The following TNFAIP6 variants were observed in gnomAD, a reference collection of about 807,000 sequenced individuals.
TNFAIP6 encodes the protein tumor necrosis factor-inducible gene 6 protein.
In TNFAIP6, 36 loss-of-function variants were observed where a neutral mutation model predicts 33.7. The observed-to-expected ratio is 1.07, with a 90% CI of 0.82 to 1.41. The LOEUF (loss-of-function observed/expected upper bound fraction) is 1.41, where lower values mean the gene tolerates loss of function less well. Among genes scored for constraint, TNFAIP6 ranks in the 40% most tolerant of loss-of-function variants. The pLI, the probability that TNFAIP6 is intolerant of heterozygous loss-of-function variation, is 0.00. For synonymous variants in TNFAIP6, 113 were observed against 112.8 expected (o/e 1.00, Z -0.01); for missense variants, 273 against 331.9 (o/e 0.82, Z 1.38).
intron 1 of TNFAIP6, among the ~76,000 whole-genome samples, chr2:151,359,532 G>A (rs1186841174): frequency 6.6e-6 from 1 of 151,996 alleles, no homozygotes; most frequent in South Asian, 2.1e-4. Context: ...GGGACTACAG[G>A]CACCCGCCAC....
chr2:151,380,449 CAT>C (rs1301717084), downstream of TNFAIP6, among the ~76,000 whole-genome samples: 5 of 152,022 alleles, frequency 3.3e-5, no homozygotes, highest in Admixed American at 3.3e-4. Flanking sequence ...TCTCTTTTCT[CAT>C]ATTTATGTTT....
intron 5 of TNFAIP6, among the ~76,000 whole-genome samples, chr2:151,377,022 A>T (rs1684923488): frequency 6.6e-6 from 1 of 151,760 alleles, no homozygotes; most frequent in Non-Finnish European, 1.5e-5. Context: ...TATTTTTAGT[A>T]GAGATGGGGT....
chr2:151,367,130 A>G (rs1684726620), intron 3 of TNFAIP6, among the ~76,000 whole-genome samples: 4 of 152,116 alleles, frequency 2.6e-5, no homozygotes, highest in Admixed American at 2.0e-4. Context: ...TATAAAATCT[A>G]TTATTTAATT....
intron 5 of TNFAIP6, among the ~76,000 whole-genome samples, chr2:151,374,166 T>C (rs576409124): frequency 6.6e-6 from 1 of 152,312 alleles, no homozygotes; most frequent in Admixed American, 6.5e-5. Flanking sequence ...GATCTTTTAA[T>C]ATGCTAATCA....
intron 4 of TNFAIP6, among the ~76,000 whole-genome samples, chr2:151,371,477 G>C (rs186674153): frequency 9.9e-5 from 15 of 152,184 alleles, no homozygotes; most frequent in Admixed American, 2.6e-4. Context: ...TTTTTATGTT[G>C]ATTTTGAATG....
At chr2:151,373,278 G>A (rs1553467329) in intron 4 of TNFAIP6, among the ~76,000 whole-genome samples, 1 of 152,096 alleles carries the variant, frequency 6.6e-6, no homozygotes, top group Non-Finnish European at 1.5e-5. Context: ...CTGCGCCACT[G>A]CACTCCAGCC....
At chr2:151,380,872 T>G (rs1685001471), downstream of TNFAIP6, among the ~76,000 whole-genome samples, 1 of 152,148 alleles carries the variant, frequency 6.6e-6, no homozygotes, top group Non-Finnish European at 1.5e-5. Context: ...AGAAGCTAAG[T>G]CCAAACCAAT....
chr2:151,367,829 G>A (rs775590869), intron 3 of TNFAIP6, among the ~76,000 whole-genome samples: 1 of 151,230 alleles, frequency 6.6e-6, no homozygotes, highest in African/African-American at 2.4e-5. Context: ...AGCACTGGGG[G>A]AACAGCTCAC....
intron 4 of TNFAIP6, chr2:151,372,255 CA>C (rs1168926303): frequency 6.6e-6 from 1 of 152,208 alleles, no homozygotes; most frequent in African/African-American, 2.4e-5. Context: ...CATTGTATTT[CA>C]GCCTGGGCAA....
At chr2:151,373,271 C>A (rs1022207739) in intron 4 of TNFAIP6, among the ~76,000 whole-genome samples, 1 of 151,978 alleles carries the variant, frequency 6.6e-6, no homozygotes, top group Admixed American at 6.6e-5. Context: ...GCCGAGACTG[C>A]GCCACTGCAC....
chr2:151,362,997 T>C (rs567790070), intron 1 of TNFAIP6, among the ~76,000 whole-genome samples: 90 of 152,320 alleles, frequency 5.9e-4, no homozygotes, highest in South Asian at 1.9e-3. Flanking sequence ...CTGTGGATAG[T>C]GTTGCAATAC....
rs562650241 is a variant in TNFAIP6 at position 151,379,756 on chromosome 2, T to G, written c.*223T>G. On this transcript the variant is annotated 3_prime_UTR_variant, in exon 6 of 6. Transcript: ENST00000243347. ...TAACAAGCGTTAACATTTTCATATTTTTTTCTTTCAGTCATTTTTCTATTT... is the reference window on the plus strand; with the variant it reads ...TAACAAGCGTTAACATTTTCATATTGTTTTCTTTCAGTCATTTTTCTATTT... The G allele has an allele frequency of 3.2e-6, 1 of 312,734 alleles. No homozygotes were observed. The highest frequency in any genetic ancestry group is 4.9e-5 in the Admixed American group (1 of 20,560). 19.4% of individuals were successfully genotyped at this position (312,734 alleles called of 1,614,324 possible).
At chr2:151,364,113 T>C in intron 2 of TNFAIP6, 33 bp downstream of exon 2, 1 of 1,607,718 alleles carries the variant, frequency 6.2e-7, no homozygotes, top group East Asian at 2.2e-5. Context: ...TTCTTCTTTT[T>C]TATCCTTGGA....
chr2:151,371,019 C>T (rs1223116931), intron 4 of TNFAIP6, among the ~76,000 whole-genome samples: 1 of 151,204 alleles, frequency 6.6e-6, no homozygotes. Context: ...TGCAGTGAGC[C>T]AAGACTGCAC....
chr2:151,364,222 TCTC>T lies in TNFAIP6; in HGVS notation c.232+145_232+147del, dbSNP rs139788422. The T allele has an allele frequency of 2.6e-3, 2,757 of 1,079,884 alleles. 46 individuals are homozygous for T. The African/African-American group carries it at 0.039, about 15-fold the overall frequency. The allele number at this position is 1,079,884 out of a possible 1,614,324, so 66.9% of individuals were successfully genotyped here. On this transcript the variant is annotated intron_variant, in intron 2 of 5. Transcript: ENST00000243347. ...CCTAGGACATTTCTGCTCTCTGACTTCTCCTATCCATCTGCCTAGAGTTGGCAG... is the reference window on the plus strand; with the variant it reads ...CCTAGGACATTTCTGCTCTCTGACTTCTATCCATCTGCCTAGAGTTGGCAG...
At chr2:151,367,177 A>G (rs1684727478) in intron 3 of TNFAIP6, among the ~76,000 whole-genome samples, 1 of 152,136 alleles carries the variant, frequency 6.6e-6, no homozygotes. Flanking sequence ...CATGTCTGTA[A>G]CTAACCTATA....
chr2:151,363,896 C>G (rs781315888), intron 1 of TNFAIP6, 47 bp from the exon 2 acceptor site: 9 of 1,598,788 alleles, frequency 5.6e-6, no homozygotes, highest in East Asian at 2.3e-5. Flanking sequence ...TCCCCTGTTC[C>G]GTAAGAAGGA....
chr2:151,376,865 C>CT (rs71403162), intron 5 of TNFAIP6, among the ~76,000 whole-genome samples: 10,562 of 114,254 alleles, frequency 0.092, 461 homozygotes, highest in African/African-American at 0.15. Flanking sequence ...TTTTTCTTTT[C>CT]TTTTTTTTTT....
At position 151,370,086 on chromosome 2, in the gene TNFAIP6, A is replaced by C; in HGVS notation, c.461A>C (p.Glu154Ala). 2.5e-6 allele frequency: 4 copies of C among 1,614,120 alleles called. No homozygotes were observed. The highest frequency in any genetic ancestry group is 3.4e-6 in the Non-Finnish European group (4 of 1,180,008). ...QIFKSPGFPN[E>A]YEDNQICYWH... ...TTTAAATCTCCAGGCTTCCCAAATGAGTACGAAGATAACCAAATCTGCTAC... is the reference window on the plus strand; with the variant it reads ...TTTAAATCTCCAGGCTTCCCAAATGCGTACGAAGATAACCAAATCTGCTAC... Residue 154 changes from glutamate (E) to alanine (A), a missense_variant, in exon 4 of 6, where the codon GAG becomes GCG. Glu to Ala is a moderately radical substitution (Grantham distance 107). Transcript: ENST00000243347.
Sources: gnomAD v4.1 joint callset for allele counts (sites outside exome capture counted in the v4.1 genomes callset) on GRCh38, gnomAD v4.1.1 for gene constraint, MANE v1.5 for transcripts, NCBI Gene and HGNC (gene_info 2026-07-23, HGNC 2026-07-21) for gene names.